Variants in SGCD observed in about 807,000 individuals in gnomAD.
The protein encoded by SGCD is delta-sarcoglycan.
A neutral mutation model predicts 36.6 loss-of-function variants in SGCD; 18 were observed. The observed-to-expected ratio is 0.49, with a 90% CI of 0.34 to 0.73. The LOEUF is 0.73. Ranked by LOEUF, SGCD falls within the 30% of genes least tolerant of loss-of-function variation. The pLI is 0.01. For synonymous variants in SGCD, 133 were observed against 130.6 expected (o/e 1.02, Z -0.12); for missense variants, 387 against 346.7 (o/e 1.12, Z -0.92).
At chr5:156,656,566 G>C (rs1320910241) in intron 7 of SGCD, among the ~76,000 whole-genome samples, 1 of 151,852 alleles carries the variant, frequency 6.6e-6, no homozygotes, top group Non-Finnish European at 1.5e-5. Flanking sequence ...AATGTTACTG[G>C]GTATTTACAA....
chr5:156,468,743 G>A (rs1305212771), intron 3 of SGCD, among the ~76,000 whole-genome samples: 1 of 152,168 alleles, frequency 6.6e-6, no homozygotes, highest in East Asian at 1.9e-4. Context: ...TGTAATCCCA[G>A]CACTTTGGGA....
At chr5:156,193,679 C>T (rs1429355378) in intron 3 of SGCD, among the ~76,000 whole-genome samples, 3 of 152,168 alleles carry the variant, frequency 2.0e-5, no homozygotes, top group Non-Finnish European at 4.4e-5. Flanking sequence ...ATGTCTGCTC[C>T]TGTCAGTGGA....
chr5:156,371,532 G>T (rs1160267504), intron 3 of SGCD, among the ~76,000 whole-genome samples: 1 of 152,196 alleles, frequency 6.6e-6, no homozygotes, highest in Non-Finnish European at 1.5e-5. Flanking sequence ...GAGAAGGAGA[G>T]AAAGGACCGA....
At chr5:155,854,093 T>C in the SGCD span, among the ~76,000 whole-genome samples, 1 of 152,214 alleles carries the variant, frequency 6.6e-6, no homozygotes. Context: ...AGAAACATTA[T>C]TGTTTAGAGA....
At chr5:155,807,306 T>A in the SGCD span, among the ~76,000 whole-genome samples, 8 of 152,366 alleles carry the variant, frequency 5.3e-5, no homozygotes, top group East Asian at 1.5e-3. Flanking sequence ...GTGACTAGGA[T>A]CATCCTTTCC....
chr5:156,497,454 T>C (rs1051376839), intron 3 of SGCD, among the ~76,000 whole-genome samples: 68 of 152,142 alleles, frequency 4.5e-4, no homozygotes, highest in Non-Finnish European at 9.3e-4. Flanking sequence ...CCATGAAATA[T>C]GGAAAGCATT....
intron 2 of SGCD, chr5:156,123,796 T>C (rs1169489475): frequency 1.3e-5 from 2 of 152,188 alleles, no homozygotes; most frequent in South Asian, 2.1e-4. Flanking sequence ...TAATTTAATA[T>C]CACTCTGTCT....
intron 1 of SGCD, among the ~76,000 whole-genome samples, chr5:155,997,076 T>A (rs1350060126): frequency 1.3e-5 from 2 of 152,242 alleles, no homozygotes; most frequent in Non-Finnish European, 2.9e-5. Context: ...AGTTTATCTT[T>A]CTTGTTGAGA....
chr5:156,547,392 T>A (rs1252358886), intron 4 of SGCD, among the ~76,000 whole-genome samples: 1 of 152,108 alleles, frequency 6.6e-6, no homozygotes, highest in African/African-American at 2.4e-5. Context: ...AGAGATGTTC[T>A]GTAAAGAGGA....
At chr5:156,413,415 T>C (rs1772873794) in intron 3 of SGCD, among the ~76,000 whole-genome samples, 1 of 152,220 alleles carries the variant, frequency 6.6e-6, no homozygotes, top group African/African-American at 2.4e-5. Context: ...CTTTAGACTA[T>C]GAAGGCATTT....
intron 6 of SGCD, among the ~76,000 whole-genome samples, chr5:156,603,493 G>C (rs1396102836): frequency 6.6e-6 from 1 of 151,762 alleles, no homozygotes; most frequent in Non-Finnish European, 1.5e-5. Flanking sequence ...CTAGTTCCTT[G>C]AAGTGTATCT....
intron 6 of SGCD, among the ~76,000 whole-genome samples, chr5:156,613,080 C>T (rs1761891027): frequency 6.6e-6 from 1 of 152,202 alleles, no homozygotes. Flanking sequence ...TTGCTCCTCT[C>T]TCTGTGGTGC....
intron 1 of SGCD, among the ~76,000 whole-genome samples, chr5:156,327,444 CTT>C (rs1340257727): frequency 6.6e-6 from 1 of 152,180 alleles, no homozygotes; most frequent in East Asian, 1.9e-4. Flanking sequence ...GGCAGAGAGA[CTT>C]CTTTTGAAAG....
upstream of SGCD, chr5:155,870,260 TAATG>T (rs1403188687): frequency 1.3e-5 from 2 of 152,188 alleles, no homozygotes; most frequent in Admixed American, 6.5e-5. Context: ...ATATGAGTAA[TAATG>T]AAGATTAAAT....
chr5:156,239,261 G>A (rs1765242943), intron 3 of SGCD, among the ~76,000 whole-genome samples: 1 of 151,946 alleles, frequency 6.6e-6, no homozygotes, highest in African/African-American at 2.4e-5. Flanking sequence ...TTAGCTGGGT[G>A]TGGTGGCAGG....
rs184138551 is a variant in SGCD at position 156,562,155 on chromosome 5, G to A, written c.295-27076G>A. On this transcript the variant is annotated intron_variant, in intron 4 of 8. Transcript: ENST00000337851. ...ACCTATGGAGCTTAATTTCTAGTGAGGAAAATGGGCAATAAACAATAACCA... is the reference window on the plus strand; with the variant it reads ...ACCTATGGAGCTTAATTTCTAGTGAAGAAAATGGGCAATAAACAATAACCA... 2.2e-3 allele frequency among the ~76,000 whole-genome samples: 338 copies of A among 152,230 alleles called. 1 individual carries two copies. The highest frequency in any genetic ancestry group is 7.7e-3 in the African/African-American group (319 of 41,528).
At chr5:156,390,544 A>C (rs1398339962) in intron 3 of SGCD, among the ~76,000 whole-genome samples, 3 of 152,226 alleles carry the variant, frequency 2.0e-5, no homozygotes, top group African/African-American at 7.2e-5. Flanking sequence ...CAGCCTGACC[A>C]ACATGGTGAA....
rs550085021 is a variant in SGCD at position 156,604,500 on chromosome 5, G to A, written c.502+9449G>A. 2.6e-5 allele frequency among the ~76,000 whole-genome samples: 4 copies of A among 151,844 alleles called. No individual in the cohort carries two copies. The South Asian group carries it at 8.3e-4, about 32-fold the overall frequency. On this transcript the variant is annotated intron_variant, in intron 6 of 8. Coordinates refer to ENST00000337851, the MANE Select transcript of SGCD (RefSeq NM_000337.6). The stretch of plus-strand genomic sequence containing the variant: ...CTTTCTCTTTCTTGTTTATGTATCT[G>A]CTGTAATTTATTTGTGATTCCTGTG...
intron 7 of SGCD, among the ~76,000 whole-genome samples, chr5:156,700,849 A>G (rs976581834): frequency 6.6e-6 from 1 of 151,572 alleles, no homozygotes; most frequent in Admixed American, 6.6e-5. Context: ...AGGCTGAGGC[A>G]GAAAGATCGC....
Sources: allele counts gnomAD v4.1 joint callset (sites outside exome capture counted in the v4.1 genomes callset), GRCh38; gene constraint gnomAD v4.1.1; transcripts MANE v1.5; gene names NCBI Gene and HGNC (gene_info 2026-07-23, HGNC 2026-07-21).